SPOCK3: variants seen among roughly 807,000 people sequenced by gnomAD.
SPOCK3 encodes the protein SPARC (osteonectin), cwcv and kazal like domains proteoglycan 3.
SPOCK3 carries 30 observed loss-of-function variants against 56.6 expected under a neutral mutation model. The ratio of observed to expected loss-of-function variants is 0.53; its 90% confidence interval spans 0.40 to 0.72. The LOEUF (loss-of-function observed/expected upper bound fraction) is 0.72. Ranked by LOEUF, SPOCK3 falls within the 30% of genes least tolerant of loss-of-function variation. The pLI is 0.00. For synonymous variants in SPOCK3, 196 were observed against 183.3 expected, an observed-to-expected ratio of 1.07 and a Z score of -0.56; for missense variants, 527 against 530.0, an observed-to-expected ratio of 0.99 and a Z score of 0.06.
chr4:167,066,385 G>A (rs991435329), intron 2 of SPOCK3, among the ~76,000 whole-genome samples: 1 of 151,812 alleles, frequency 6.6e-6, no homozygotes, highest in Non-Finnish European at 1.5e-5. Context: ...AAAGGGAAGT[G>A]TAACAAGTTA....
intron 2 of SPOCK3, among the ~76,000 whole-genome samples, chr4:167,125,647 G>A (rs1449184536): frequency 6.6e-6 from 1 of 152,000 alleles, no homozygotes; most frequent in African/African-American, 2.4e-5. Context: ...CCCGGGAGGC[G>A]GAGCTTGCAA....
At chr4:167,071,685 G>T (rs1756700308) in intron 2 of SPOCK3, among the ~76,000 whole-genome samples, 2 of 151,958 alleles carry the variant, frequency 1.3e-5, no homozygotes, top group Admixed American at 1.3e-4. Flanking sequence ...ATAAACATAG[G>T]TGTGCATGTG....
At chr4:167,222,477 T>A (rs970431515) in intron 2 of SPOCK3, among the ~76,000 whole-genome samples, 1 of 142,474 alleles carries the variant, frequency 7.0e-6, no homozygotes, top group Non-Finnish European at 1.5e-5. Context: ...GATTTATATA[T>A]AAACATATAT....
At chr4:167,224,624 T>C (rs771569252) in intron 2 of SPOCK3, among the ~76,000 whole-genome samples, 1 of 152,160 alleles carries the variant, frequency 6.6e-6, no homozygotes, top group Non-Finnish European at 1.5e-5. Flanking sequence ...ACAAAAAAGA[T>C]ATATAATACA....
intron 4 of SPOCK3, among the ~76,000 whole-genome samples, chr4:166,980,090 C>T (rs183942215): frequency 1.2e-3 from 187 of 152,320 alleles, no homozygotes; most frequent in African/African-American, 4.2e-3. Context: ...CTTCAGAGAC[C>T]TGACAAGTCT....
chr4:166,949,931 G>A (rs1490193069), intron 4 of SPOCK3, among the ~76,000 whole-genome samples: 1 of 151,154 alleles, frequency 6.6e-6, no homozygotes, highest in Non-Finnish European at 1.5e-5. Context: ...AGCTCCTGAA[G>A]GAAGCACTAA....
At chr4:167,079,957 A>G (rs926203168) in intron 2 of SPOCK3, among the ~76,000 whole-genome samples, 1 of 152,016 alleles carries the variant, frequency 6.6e-6, no homozygotes, top group Non-Finnish European at 1.5e-5. Context: ...GGATTTAGAC[A>G]GTTGAAAAAG....
chr4:167,090,164 G>A lies in SPOCK3; in HGVS notation c.190-27627C>T, dbSNP rs146694630. Among the ~76,000 whole-genome samples, 36 of 152,190 alleles carry A rather than the reference G, an allele frequency of 2.4e-4. No homozygotes were observed. The South Asian group carries it at 3.7e-3, about 16-fold the overall frequency. ...TATGAGTAGGACTGCTGAGTCATAC[G>A]GTATGTGTAGGTTTAACTGTAAGAA... On this transcript the variant is annotated intron_variant, in intron 2 of 10. Coordinates refer to ENST00000357545, the MANE Select transcript of SPOCK3 (RefSeq NM_001040159.2).
intron 3 of SPOCK3, among the ~76,000 whole-genome samples, chr4:167,058,964 C>T (rs1025937841): frequency 2.0e-5 from 3 of 152,120 alleles, no homozygotes; most frequent in Non-Finnish European, 2.9e-5. Flanking sequence ...AAAGCTGAAA[C>T]TGGATCCCTT....
intron 3 of SPOCK3, among the ~76,000 whole-genome samples, chr4:167,062,228 C>A (rs1351528919): frequency 6.6e-6 from 1 of 151,668 alleles, no homozygotes; most frequent in Non-Finnish European, 1.5e-5. Flanking sequence ...TAAAAATAAA[C>A]CTGGTAAGGT....
chr4:167,104,669 T>C (rs879537293), intron 2 of SPOCK3, among the ~76,000 whole-genome samples: 6 of 152,110 alleles, frequency 3.9e-5, no homozygotes, highest in South Asian at 4.1e-4. Context: ...GTAGAAAGTT[T>C]ATTGAAAGGA....
chr4:166,956,074 T>C (rs1035477413), intron 4 of SPOCK3, among the ~76,000 whole-genome samples: 1 of 152,148 alleles, frequency 6.6e-6, no homozygotes, highest in Non-Finnish European at 1.5e-5. Context: ...TTGATAACCA[T>C]GATCTTTTCC....
intron 2 of SPOCK3, among the ~76,000 whole-genome samples, chr4:167,064,676 G>C (rs962373358): frequency 6.6e-6 from 1 of 151,626 alleles, no homozygotes; most frequent in Non-Finnish European, 1.5e-5. Context: ...ATTTGGAGAC[G>C]GGCAAACCAG....
At chr4:167,084,828 G>T (rs912291103) in intron 2 of SPOCK3, among the ~76,000 whole-genome samples, 3 of 151,924 alleles carry the variant, frequency 2.0e-5, no homozygotes, top group East Asian at 3.9e-4. Context: ...TAAATTAGAC[G>T]ACAATGTGAT....
chr4:167,140,214 C>A (rs1222052934), intron 2 of SPOCK3, among the ~76,000 whole-genome samples: 4 of 152,030 alleles, frequency 2.6e-5, no homozygotes, highest in Non-Finnish European at 2.9e-5. Context: ...GCTTGTAGCA[C>A]AAAGCACACT....
At chr4:166,885,428 A>AT (rs1734088995) in intron 6 of SPOCK3, among the ~76,000 whole-genome samples, 1 of 147,746 alleles carries the variant, frequency 6.8e-6, no homozygotes, top group Non-Finnish European at 1.5e-5. Context: ...GAACATAAAC[A>AT]TTTTCATATG....
At chr4:167,102,203 T>C (rs915714482) in intron 2 of SPOCK3, among the ~76,000 whole-genome samples, 6 of 152,068 alleles carry the variant, frequency 3.9e-5, no homozygotes, top group Admixed American at 2.6e-4. Flanking sequence ...AGGTGACATC[T>C]CTTTTTTCAG....
At chr4:167,120,153 G>C (rs1296682342) in intron 2 of SPOCK3, among the ~76,000 whole-genome samples, 1 of 152,032 alleles carries the variant, frequency 6.6e-6, no homozygotes, top group Non-Finnish European at 1.5e-5. Flanking sequence ...TTATGTGGTT[G>C]ACGAGTTAGA....
At chr4:167,109,513 TAA>T (rs1561225849) in intron 2 of SPOCK3, among the ~76,000 whole-genome samples, 3 of 119,392 alleles carry the variant, frequency 2.5e-5, no homozygotes, top group African/African-American at 1.1e-4. Flanking sequence ...ATATAAAATA[TAA>T]TATTTATATA....
Sources: gnomAD v4.1 joint callset for allele counts (sites outside exome capture counted in the v4.1 genomes callset) on GRCh38, gnomAD v4.1.1 for gene constraint, MANE v1.5 for transcripts, NCBI Gene and HGNC (gene_info 2026-07-23, HGNC 2026-07-21) for gene names.